Variants in NCOA1 observed in about 807,000 individuals in gnomAD.
NCOA1 encodes nuclear receptor coactivator 1.
In NCOA1, 35 loss-of-function variants were observed where a neutral mutation model predicts 150.9. The observed-to-expected ratio is 0.23, with a 90% CI of 0.18 to 0.31. The LOEUF is 0.31. NCOA1 is among the 10% of genes least tolerant of loss of function. NCOA1 has a pLI of 1.00. For missense variants in NCOA1, 1,491 were observed against 1,749.3 expected (o/e 0.85, Z 2.63); for synonymous variants, 590 against 630.0 (o/e 0.94, Z 0.95).
intron 3 of NCOA1, among the ~76,000 whole-genome samples, chr2:24,641,635 A>T (rs1040050775): frequency 2.0e-5 from 3 of 152,114 alleles, no homozygotes; most frequent in African/African-American, 2.4e-5. Context: ...TTGTGGGTTG[A>T]TAGGGCTCCC....
intron 14 of NCOA1, 85 bp downstream of exon 14, chr2:24,711,196 C>T (rs1673732034): frequency 7.6e-7 from 1 of 1,317,340 alleles, no homozygotes; most frequent in African/African-American, 1.5e-5. Context: ...TTACACAGAT[C>T]CTTTGCTTAA....
intron 3 of NCOA1, among the ~76,000 whole-genome samples, chr2:24,627,927 A>G (rs1232541171): frequency 6.6e-6 from 1 of 152,240 alleles, no homozygotes; most frequent in African/African-American, 2.4e-5. Context: ...AGGCTAATCT[A>G]GCAGTTTTAC....
intron 3 of NCOA1, among the ~76,000 whole-genome samples, chr2:24,597,539 G>A (rs975881636): frequency 6.6e-6 from 1 of 152,242 alleles, no homozygotes; most frequent in African/African-American, 2.4e-5. Flanking sequence ...TCAGGAAATG[G>A]CTCAGTAATT....
intron 3 of NCOA1, among the ~76,000 whole-genome samples, chr2:24,627,222 G>A (rs1669466347): frequency 6.8e-6 from 1 of 147,490 alleles, no homozygotes; most frequent in Non-Finnish European, 1.5e-5. Context: ...GGAAAGTGAT[G>A]GTTACATGTG....
intron 4 of NCOA1, among the ~76,000 whole-genome samples, chr2:24,652,131 A>G (rs753263542): frequency 6.6e-6 from 1 of 152,102 alleles, no homozygotes; most frequent in African/African-American, 2.4e-5. Flanking sequence ...AACTACCTAA[A>G]TATCCATCCA....
intron 1 of NCOA1, among the ~76,000 whole-genome samples, chr2:24,509,870 G>A (rs1233456798): frequency 6.6e-6 from 1 of 152,180 alleles, no homozygotes; most frequent in Admixed American, 6.5e-5. Context: ...CTTTAGCTGG[G>A]TAGTGGGTAT....
Position 24,576,155 on chromosome 2 carries a change from TTTTTTTTGTTTTTTG to T in NCOA1, c.-259-8313_-259-8299del, listed in dbSNP as rs757128792. Among the ~76,000 whole-genome samples the T allele has an allele frequency of 1.6e-3, 150 of 96,340 alleles. 3 individuals are homozygous for T. The highest frequency in any genetic ancestry group is 3.7e-3 in the South Asian group (11 of 2,976). The allele number at this position is 96,340 out of a possible 152,430, so 63.2% of individuals were successfully genotyped here. A position where few individuals can be genotyped will look rare whatever the true frequency, so the allele number is the denominator to read the frequency against. On this transcript the variant is annotated intron_variant, in intron 2 of 22. Coordinates refer to ENST00000348332, the MANE Select transcript of NCOA1 (RefSeq NM_003743.5). ...CAGAAATTATTTGGCCTTTGTTTTTTTTTTTTTGTTTTTTGTTTTTTTTTTTTTTTTTTTTTGTTT... is the reference window on the plus strand; with the variant it reads ...CAGAAATTATTTGGCCTTTGTTTTTTTTTTTTTTTTTTTTTTTTTTTGTTT...
In NCOA1 at chr2:24,707,446, C is replaced by G; in HGVS notation, c.1976C>G (p.Ser659Cys). 1 of 1,614,210 alleles carries G rather than the reference C, an allele frequency of 6.2e-7. No homozygotes were observed. The highest frequency in any genetic ancestry group is 8.5e-7 in the Non-Finnish European group (1 of 1,180,030). Reference sequence around the variant, plus strand: ...GACACAAGCTGCAAAGATGTCCTGTCTTGCACAGGCACTTCCAACTCTGCC... The same window carrying G: ...GACACAAGCTGCAAAGATGTCCTGTGTTGCACAGGCACTTCCAACTCTGCC... ...DIDTSCKDVL[S>C]CTGTSNSASA... The change falls in exon 13 of 23, where the codon TCT (serine) becomes TGT (cysteine). Residue 659 changes from serine (S) to cysteine (C), a missense_variant. This residue lies in a region of NCOA1 where 703 missense variants were observed against 717.7 expected (regional missense o/e 0.98). Coordinates refer to ENST00000348332, the MANE Select transcript of NCOA1 (RefSeq NM_003743.5).
rs1216358979 is a variant in NCOA1 at position 24,491,256 on chromosome 2, CGGCGGT to C, written c.-736_-731del. ...CGCGAGCGGGGGGCGGTGGCGGCGG[CGGCGGT>C]GGCGGCCGAGGAGGAGAACATGGCG... On this transcript the variant is annotated 5_prime_UTR_variant, in exon 1 of 23. Transcript: ENST00000348332. 6.8e-6 allele frequency among the ~76,000 whole-genome samples: 1 copy of C among 146,800 alleles called. No individual in the cohort carries two copies. Among genetic ancestry groups the C allele is most frequent in the South Asian group, 2.1e-4 (1 of 4,800 alleles).
Position 24,739,440 on chromosome 2 carries a change from C to T in NCOA1, c.3210C>T (p.His1070=), listed in dbSNP as rs776042263. The part of the protein sequence containing the change: ...QRLQGQQQLI[H]QNRQAILNQF... ...TTTCCATTTTTCTCTAGTTGATACACCAAAATCGGCAAGCTATCTTAAACC... is the reference window on the plus strand; with the variant it reads ...TTTCCATTTTTCTCTAGTTGATACATCAAAATCGGCAAGCTATCTTAAACC... The change falls in exon 18 of 23, where the codon CAC becomes CAT. Residue 1070 remains histidine (H), a synonymous_variant. Transcript: ENST00000348332. 6.2e-7 allele frequency: 1 copy of T among 1,612,896 alleles called. No homozygotes were observed. The highest frequency in any genetic ancestry group is 1.3e-5 in the African/African-American group (1 of 74,868).
chr2:24,566,242 C>T (rs1038701803), intron 2 of NCOA1, among the ~76,000 whole-genome samples: 3 of 152,160 alleles, frequency 2.0e-5, no homozygotes, highest in Non-Finnish European at 2.9e-5. Flanking sequence ...CCAGGGTGTC[C>T]CGATGAGTGC....
At chr2:24,542,376 G>T (rs1259546759) in intron 1 of NCOA1, among the ~76,000 whole-genome samples, 1 of 152,186 alleles carries the variant, frequency 6.6e-6, no homozygotes, top group Admixed American at 6.5e-5. Context: ...AGACAATCAG[G>T]TTGGAATCCA....
chr2:24,757,598 T>C (rs911245164), intron 20 of NCOA1, among the ~76,000 whole-genome samples: 5 of 152,186 alleles, frequency 3.3e-5, no homozygotes, highest in South Asian at 2.1e-4. Context: ...ATTGAAGATA[T>C]ATATATATAT....
intron 5 of NCOA1, among the ~76,000 whole-genome samples, chr2:24,662,919 C>G (rs574095758): frequency 6.6e-6 from 1 of 151,756 alleles, no homozygotes; most frequent in African/African-American, 2.4e-5. Flanking sequence ...TCCTGAGTAA[C>G]TAGGACTACA....
chr2:24,729,928 C>T (rs537939081), intron 17 of NCOA1, 113 bp downstream of exon 17: 32 of 1,139,248 alleles, frequency 2.8e-5, no homozygotes, highest in African/African-American at 6.2e-5. Flanking sequence ...CCACTGCAAC[C>T]GCCGCCTCCC....
intron 5 of NCOA1, among the ~76,000 whole-genome samples, chr2:24,661,887 G>A (rs941067685): frequency 6.6e-6 from 1 of 152,112 alleles, no homozygotes; most frequent in African/African-American, 2.4e-5. Flanking sequence ...TAGATGCTCT[G>A]ATGTTTTTGT....
At chr2:24,602,735 C>G (rs1401207195) in intron 3 of NCOA1, among the ~76,000 whole-genome samples, 2 of 151,828 alleles carry the variant, frequency 1.3e-5, no homozygotes, top group African/African-American at 4.8e-5. Flanking sequence ...AATTTGTTAT[C>G]CTCCATATAA....
chr2:24,648,745 A>G (rs1670586159), intron 4 of NCOA1, among the ~76,000 whole-genome samples: 1 of 152,180 alleles, frequency 6.6e-6, no homozygotes, highest in Non-Finnish European at 1.5e-5. Context: ...TTCTTCTACC[A>G]TATACCATTA....
intron 2 of NCOA1, among the ~76,000 whole-genome samples, chr2:24,566,788 TG>T (rs1466856807): frequency 6.6e-6 from 1 of 152,244 alleles, no homozygotes; most frequent in Non-Finnish European, 1.5e-5. Flanking sequence ...CCCACCCAGC[TG>T]GGTTGCAACA....
Sources: gnomAD v4.1 joint callset for allele counts (sites outside exome capture counted in the v4.1 genomes callset) on GRCh38, gnomAD v4.1.1 for gene constraint, gnomAD v4.1.1 regional missense constraint, MANE v1.5 for transcripts, NCBI Gene and HGNC (gene_info 2026-07-23, HGNC 2026-07-21) for gene names.